Variants in GALNT13 observed in about 807,000 individuals in gnomAD.
GALNT13 encodes the protein UDP-GalNAc:polypeptide N-acetylgalactosaminyltransferase 13.
Under a neutral mutation model 64.2 loss-of-function variants are expected in GALNT13, and 28 were observed. That is an observed-to-expected ratio of 0.44 (90% CI 0.32 to 0.60). The LOEUF (loss-of-function observed/expected upper bound fraction) is 0.60. Ranked by LOEUF, GALNT13 falls within the 20% of genes least tolerant of loss-of-function variation. The pLI, the probability that GALNT13 is intolerant of heterozygous loss-of-function variation, is 0.05. For synonymous variants in GALNT13, 214 were observed against 224.6 expected, an observed-to-expected ratio of 0.95 and a Z score of 0.42; for missense variants, 577 against 669.8, an observed-to-expected ratio of 0.86 and a Z score of 1.53.
chr2:153,443,465 T>C, the GALNT13 span, among the ~76,000 whole-genome samples: 2 of 152,226 alleles, frequency 1.3e-5, no homozygotes, highest in African/African-American at 4.8e-5. Flanking sequence ...TTTCCCTCAC[T>C]TTTCTCTATG....
At chr2:154,252,506 G>A (rs1050193442) in intron 7 of GALNT13, among the ~76,000 whole-genome samples, 4 of 110,746 alleles carry the variant, frequency 3.6e-5, no homozygotes, top group African/African-American at 1.1e-4. Context: ...ACAGGTGCCC[G>A]CCACCATGCC....
intron 11 of GALNT13, among the ~76,000 whole-genome samples, chr2:154,431,604 A>G (rs1700712719): frequency 6.6e-6 from 1 of 152,208 alleles, no homozygotes; most frequent in Non-Finnish European, 1.5e-5. Context: ...ATCCAGAACA[A>G]ACCATACATG....
chr2:154,030,312 T>C (rs1436728207), intron 3 of GALNT13, among the ~76,000 whole-genome samples: 1 of 151,938 alleles, frequency 6.6e-6, no homozygotes, highest in Non-Finnish European at 1.5e-5. Flanking sequence ...AAAAGACATA[T>C]TATGTACAGT....
the GALNT13 span, among the ~76,000 whole-genome samples, chr2:153,288,211 A>G: frequency 1.3e-5 from 2 of 152,360 alleles, no homozygotes; most frequent in South Asian, 4.1e-4. Context: ...TAGTTTAAAA[A>G]TGATGGAAAC....
intron 3 of GALNT13, among the ~76,000 whole-genome samples, chr2:153,994,626 G>A (rs1443723096): frequency 6.6e-6 from 1 of 152,088 alleles, no homozygotes; most frequent in Non-Finnish European, 1.5e-5. Flanking sequence ...GTGTAAGATG[G>A]TATCTCATTG....
chr2:154,035,459 A>G (rs1244690259), intron 3 of GALNT13, among the ~76,000 whole-genome samples: 1 of 152,054 alleles, frequency 6.6e-6, no homozygotes, highest in Non-Finnish European at 1.5e-5. Flanking sequence ...TTGTTTCTCC[A>G]TCACAGAATA....
At chr2:153,455,575 G>A in the GALNT13 span, among the ~76,000 whole-genome samples, 1 of 152,218 alleles carries the variant, frequency 6.6e-6, no homozygotes, top group African/African-American at 2.4e-5. Flanking sequence ...GAACCAGACG[G>A]ATGCTGAAGT....
the GALNT13 span, among the ~76,000 whole-genome samples, chr2:153,747,506 C>T: frequency 2.7e-5 from 4 of 145,838 alleles, no homozygotes; most frequent in Non-Finnish European, 5.9e-5. Flanking sequence ...TGGGTCGCTG[C>T]AATCTCCGCC....
the GALNT13 span, among the ~76,000 whole-genome samples, chr2:153,217,699 A>G: frequency 6.6e-6 from 1 of 152,028 alleles, no homozygotes; most frequent in African/African-American, 2.4e-5. Context: ...TCAGCTCTGA[A>G]GTTATCCTTC....
intron 11 of GALNT13, among the ~76,000 whole-genome samples, chr2:154,417,135 A>G (rs531510076): frequency 6.6e-6 from 1 of 151,988 alleles, no homozygotes; most frequent in Non-Finnish European, 1.5e-5. Flanking sequence ...TTGAGCCTTG[A>G]TTGCCTCAGA....
chr2:154,152,510 A>G (rs1452752693), intron 4 of GALNT13, among the ~76,000 whole-genome samples: 2 of 152,114 alleles, frequency 1.3e-5, no homozygotes, highest in Non-Finnish European at 2.9e-5. Context: ...CTCCTGGATA[A>G]TATCCTGCAG....
rs1698054683 is a variant in GALNT13 at position 154,377,474 on chromosome 2, T to C, written c.1157-18517T>C. Among the ~76,000 whole-genome samples, 3 of 152,218 alleles carry C rather than the reference T, an allele frequency of 2.0e-5. No individual in the cohort carries two copies. The South Asian group carries it at 6.2e-4, about 32-fold the overall frequency. ...GAATTAGCCTTTTCTTTGCACTTGC[T>C]CCTCTAACTAAATCAAGCCCAGAAC... On this transcript the variant is annotated intron_variant, in intron 9 of 12. Transcript: ENST00000392825.
At chr2:153,469,670 C>T in the GALNT13 span, among the ~76,000 whole-genome samples, 28 of 152,072 alleles carry the variant, frequency 1.8e-4, no homozygotes, top group African/African-American at 5.1e-4. Context: ...ATGTGCTTAC[C>T]GGGCAGCATT....
chr2:153,438,171 G>T, the GALNT13 span, among the ~76,000 whole-genome samples: 39 of 152,060 alleles, frequency 2.6e-4, no homozygotes, highest in Admixed American at 1.2e-3. Context: ...TCTTCTGGCT[G>T]GTAGAGTTTC....
chr2:154,115,746 G>T (rs550298073), intron 3 of GALNT13, among the ~76,000 whole-genome samples: 2 of 151,940 alleles, frequency 1.3e-5, no homozygotes, highest in Non-Finnish European at 2.9e-5. Flanking sequence ...TTAACTTCCC[G>T]ATCTGCAACA....
chr2:153,077,614 T>C, the GALNT13 span, among the ~76,000 whole-genome samples: 1 of 152,244 alleles, frequency 6.6e-6, no homozygotes, highest in Non-Finnish European at 1.5e-5. Context: ...CTGTCTAATG[T>C]AAGCATGACC....
intron 11 of GALNT13, among the ~76,000 whole-genome samples, chr2:154,433,881 T>A (rs1308424287): frequency 6.6e-6 from 1 of 152,200 alleles, no homozygotes; most frequent in Non-Finnish European, 1.5e-5. Context: ...GAAATTCATA[T>A]GTTGAAGTCT....
the GALNT13 span, chr2:153,478,618 G>A: frequency 7.1e-7 from 1 of 1,415,406 alleles, no homozygotes; most frequent in Non-Finnish European, 9.4e-7. Context: ...GTGGGAAGGC[G>A]GCGGCGCTGG....
chr2:154,387,891 C>A (rs1698592750), intron 9 of GALNT13, among the ~76,000 whole-genome samples: 1 of 152,138 alleles, frequency 6.6e-6, no homozygotes. Context: ...CAAGCGAGTG[C>A]AGATATCCCT....
Sources: allele counts gnomAD v4.1 joint callset (sites outside exome capture counted in the v4.1 genomes callset), GRCh38; gene constraint gnomAD v4.1.1; transcripts MANE v1.5; gene names NCBI Gene and HGNC (gene_info 2026-07-23, HGNC 2026-07-21).